GPAM: variants seen among roughly 807,000 people sequenced by gnomAD.
GPAM encodes glycerol-3-phosphate acyltransferase, mitochondrial, also known as glycerol-3-phosphate acyltransferase 1, mitochondrial.
GPAM carries 56 observed loss-of-function variants against 105.0 expected under a neutral mutation model. The ratio of observed to expected loss-of-function variants is 0.53; its 90% CI spans 0.43 to 0.67. The LOEUF (loss-of-function observed/expected upper bound fraction) is 0.67. Among genes scored for constraint, GPAM ranks in the 30% least tolerant of loss-of-function variants. The pLI is 0.00. For synonymous variants in GPAM, 368 were observed against 354.4 expected, an observed-to-expected ratio of 1.04 and a Z score of -0.43; for missense variants, 855 against 989.8, an observed-to-expected ratio of 0.86 and a Z score of 1.83.
At chr10:112,197,755 G>A (rs1847742422) in intron 1 of GPAM, among the ~76,000 whole-genome samples, 3 of 148,716 alleles carry the variant, frequency 2.0e-5, no homozygotes, top group African/African-American at 7.5e-5. Flanking sequence ...TTTTGTTCTT[G>A]CGATAGTTTA....
intron 20 of GPAM, 105 bp downstream of exon 20, chr10:112,155,759 A>C: frequency 1.5e-6 from 1 of 686,484 alleles, no homozygotes; most frequent in Non-Finnish European, 2.6e-6. Flanking sequence ...ACGGTGTTAG[A>C]GGTCAGGATA....
At chr10:112,164,766 A>C (rs1847183984) in intron 12 of GPAM, among the ~76,000 whole-genome samples, 156 bp from the exon 13 acceptor site, 2 of 152,262 alleles carry the variant, frequency 1.3e-5, no homozygotes, top group African/African-American at 4.8e-5. Flanking sequence ...CTGTCTTCAG[A>C]AGTCCAGAAT....
At chr10:112,168,573 A>T in intron 10 of GPAM, 49 bp from the exon 11 acceptor site, 2 of 1,217,894 alleles carry the variant, frequency 1.6e-6, no homozygotes, top group Non-Finnish European at 2.4e-6. Flanking sequence ...CACTCAACTT[A>T]GAATGAGCTC....
At chr10:112,226,478 T>C in the GPAM span, among the ~76,000 whole-genome samples, 17 of 152,222 alleles carry the variant, frequency 1.1e-4, 1 homozygote, top group South Asian at 2.9e-3. Context: ...AGAAGCCCAG[T>C]TGCACCCTGT....
intron 1 of GPAM, among the ~76,000 whole-genome samples, chr10:112,190,687 T>G (rs550946018): frequency 6.6e-6 from 1 of 152,278 alleles, no homozygotes; most frequent in South Asian, 2.1e-4. Flanking sequence ...AATAGCATAG[T>G]GCTGGCTGGA....
At chr10:112,208,598 A>T (rs1847876310) in intron 1 of GPAM, among the ~76,000 whole-genome samples, 1 of 152,156 alleles carries the variant, frequency 6.6e-6, no homozygotes, top group African/African-American at 2.4e-5. Context: ...ACTAAGAAGG[A>T]TATCCCAAGG....
In GPAM at chr10:112,153,038, C is replaced by T; in HGVS notation, c.*512G>A. 1 of 718,186 alleles carries T rather than the reference C, an allele frequency of 1.4e-6. No homozygotes were observed. The highest frequency in any genetic ancestry group is 1.7e-6 in the Non-Finnish European group (1 of 580,336). The allele number at this position is 718,186 out of a possible 1,614,324, so 44.5% of individuals were successfully genotyped here. A position where few individuals can be genotyped will look rare whatever the true frequency, so the allele number is the denominator to read the frequency against. On this transcript the variant is annotated 3_prime_UTR_variant, in exon 22 of 22. Coordinates refer to ENST00000348367, the MANE Select transcript of GPAM (RefSeq NM_001244949.2). ...ATAAAGCACTTTGGGATAAAAGGTG[C>T]TCCCATTAAAAATGTAGCTACTATT...
At chr10:112,189,884 G>A (rs1183783935) in intron 1 of GPAM, among the ~76,000 whole-genome samples, 5 of 151,962 alleles carry the variant, frequency 3.3e-5, no homozygotes, top group African/African-American at 4.8e-5. Flanking sequence ...TGTTACTCTC[G>A]GGTAACATTC....
At position 112,160,834 on chromosome 10, in the gene GPAM, A is replaced by T; in HGVS notation, c.1529T>A (p.Phe510Tyr). ...IDLSTLVEDF[F>Y]VMKEEVLARD... ...AGCCAGGACTTCCTCTTTCATCACA[A>T]AGAAGTCTTCGACCAATGTGGAGAG... The change falls in exon 16 of 22, where the codon TTT becomes TAT. Residue 510 changes from phenylalanine to tyrosine, a missense_variant. Physicochemically the swap from Phe to Tyr is conservative, Grantham distance 22. Coordinates refer to ENST00000348367, the MANE Select transcript of GPAM (RefSeq NM_001244949.2). 6.2e-7 allele frequency: 1 copy of T among 1,613,922 alleles called. No individual in the cohort carries two copies. The highest frequency in any genetic ancestry group is 2.2e-5 in the East Asian group (1 of 44,870).
chr10:112,227,335 G>A, the GPAM span, among the ~76,000 whole-genome samples: 27 of 152,194 alleles, frequency 1.8e-4, 1 homozygote, highest in Non-Finnish European at 4.4e-5. Context: ...TAGTTTGGGG[G>A]ATAAAGGAGC....
chr10:112,221,258 A>G, the GPAM span, among the ~76,000 whole-genome samples: 1 of 152,330 alleles, frequency 6.6e-6, no homozygotes, highest in East Asian at 1.9e-4. Flanking sequence ...TAATGTGGAC[A>G]TAATATGCAC....
intron 1 of GPAM, among the ~76,000 whole-genome samples, chr10:112,194,749 C>T (rs1316897992): frequency 3.9e-5 from 6 of 152,118 alleles, no homozygotes; most frequent in South Asian, 2.1e-4. Context: ...GCAGTCTCTC[C>T]GCTTTCACAA....
chr10:112,170,578 C>A (rs1847295854), intron 9 of GPAM, among the ~76,000 whole-genome samples: 1 of 152,190 alleles, frequency 6.6e-6, no homozygotes, highest in Non-Finnish European at 1.5e-5. Context: ...TTCTCTAGAG[C>A]CCCAGTGGAA....
chr10:112,176,470 C>A (rs1014757869), intron 5 of GPAM, among the ~76,000 whole-genome samples: 7 of 152,164 alleles, frequency 4.6e-5, no homozygotes, highest in African/African-American at 1.4e-4. Flanking sequence ...TTATTATTAT[C>A]AATTCAGTAA....
chr10:112,216,076 G>A (rs558942042), upstream of GPAM, among the ~76,000 whole-genome samples: 12 of 152,060 alleles, frequency 7.9e-5, no homozygotes, highest in East Asian at 3.9e-4. Context: ...ACTGTCAGTC[G>A]CTTCCTGCTT....
chr10:112,213,345 C>T (rs766053162), intron 1 of GPAM, among the ~76,000 whole-genome samples: 20 of 152,326 alleles, frequency 1.3e-4, no homozygotes, highest in African/African-American at 4.3e-4. Context: ...GGTTGACACT[C>T]ACCTCAGTGA....
intron 2 of GPAM, among the ~76,000 whole-genome samples, chr10:112,182,408 G>C (rs867628523): frequency 1.4e-4 from 22 of 152,250 alleles, no homozygotes; most frequent in African/African-American, 5.3e-4. Context: ...TGAAAGAAAA[G>C]CACACTATTT....
intron 16 of GPAM, 36 bp downstream of exon 16, chr10:112,160,568 T>C: frequency 1.3e-6 from 2 of 1,591,256 alleles, no homozygotes; most frequent in Non-Finnish European, 1.7e-6. Context: ...TTATTTTCCA[T>C]GAAAATTACT....
chr10:112,168,758 G>T, intron 10 of GPAM, 95 bp downstream of exon 10: 1 of 856,202 alleles, frequency 1.2e-6, no homozygotes, highest in Non-Finnish European at 2.0e-6. Context: ...TACTCAAAGA[G>T]CAGTTTTTAA....
Sources: gnomAD v4.1 joint callset for allele counts (sites outside exome capture counted in the v4.1 genomes callset) on GRCh38, gnomAD v4.1.1 for gene constraint, MANE v1.5 for transcripts, NCBI Gene and HGNC (gene_info 2026-07-23, HGNC 2026-07-21) for gene names.